The following TDRD9 variants were observed in gnomAD, a reference collection of about 807,000 sequenced individuals.
TDRD9 encodes ATP-dependent RNA helicase TDRD9.
In TDRD9, 124 loss-of-function variants were observed where a neutral mutation model predicts 172.6. The observed-to-expected ratio is 0.72, with a 90% CI of 0.62 to 0.83. The LOEUF (loss-of-function observed/expected upper bound fraction) is 0.83, where lower values mean the gene tolerates loss of function less well. TDRD9 is among the 40% of genes least tolerant of loss of function. The pLI, the probability that TDRD9 is intolerant of heterozygous loss-of-function variation, is 0.00. For missense variants in TDRD9, 1,479 were observed against 1,714.1 expected, an observed-to-expected ratio of 0.86 and a Z score of 2.42; for synonymous variants, 619 against 617.1, an observed-to-expected ratio of 1.00 and a Z score of -0.05.
At chr14:104,030,854 G>A (rs568520673) in intron 28 of TDRD9, among the ~76,000 whole-genome samples, 1 of 152,260 alleles carries the variant, frequency 6.6e-6, no homozygotes, top group African/African-American at 2.4e-5. Flanking sequence ...GGGAGGGATA[G>A]CATCAGGAGA....
rs2033981135 is a variant in TDRD9 at position 103,994,387 on chromosome 14, G to T, written c.1235+1G>T. 1.2e-6 allele frequency: 2 copies of T among 1,613,274 alleles called. No individual in the cohort carries two copies. Among genetic ancestry groups the T allele is most frequent in the Admixed American group, 1.7e-5 (1 of 59,994 alleles). ...TTCTCACAAGCCTGGTTCATAAAAG[G>T]TATGTTGAAAATGATACAGCTGTAT... On this transcript the variant is annotated splice_donor_variant, in intron 10 of 35. Transcript: ENST00000409874. LOFTEE classifies it high-confidence loss of function.
chr14:104,006,343 T>C (rs377254065), intron 15 of TDRD9, 46 bp from the exon 16 acceptor site: 30 of 1,529,190 alleles, frequency 2.0e-5, no homozygotes, highest in Non-Finnish European at 2.5e-5. Context: ...GGAAGAAGTA[T>C]GAGTAAGTCA....
chr14:104,038,283 C>T (rs531930254), intron 32 of TDRD9, among the ~76,000 whole-genome samples: 1 of 152,154 alleles, frequency 6.6e-6, no homozygotes, highest in South Asian at 2.1e-4. Context: ...TTATATGTAC[C>T]CACAAAAATT....
In TDRD9 at chr14:104,028,939, C is replaced by T. The variant is rs193135155; in HGVS notation, c.3282+2000C>T. Among the ~76,000 whole-genome samples the T allele has an allele frequency of 2.2e-3, 340 of 152,306 alleles. 2 individuals carry two copies. The highest frequency in any genetic ancestry group is 7.9e-3 in the African/African-American group (328 of 41,576). On this transcript the variant is annotated intron_variant, in intron 28 of 35. Coordinates refer to ENST00000409874, the MANE Select transcript of TDRD9 (RefSeq NM_153046.3). Reference sequence around the variant, plus strand: ...CAGCACCATCTATTGAAGAGACTCTCCTTTCCCCAATGAATGTTCTTGGAG... The same window carrying T: ...CAGCACCATCTATTGAAGAGACTCTTCTTTCCCCAATGAATGTTCTTGGAG...
chr14:103,965,429 T>G lies in TDRD9; in HGVS notation c.517T>G (p.Tyr173Asp). The G allele has an allele frequency of 6.4e-7, 1 of 1,551,652 alleles. No individual in the cohort carries two copies. Among genetic ancestry groups the G allele is most frequent in the Non-Finnish European group, 8.7e-7 (1 of 1,146,986 alleles). ...TQLPQYILDHYVQRSAYCSIV... is the reference protein window; with the variant it reads ...TQLPQYILDHDVQRSAYCSIV... Reference sequence around the variant, plus strand: ...GCTCCCGCAGTATATCTTGGACCACTACGTTCAGCGCTCCGCCTACTGCAG... The same window carrying G: ...GCTCCCGCAGTATATCTTGGACCACGACGTTCAGCGCTCCGCCTACTGCAG... The change falls in exon 4 of 36, where the codon TAC (tyrosine) becomes GAC (aspartate). Residue 173 changes from tyrosine to aspartate, a missense_variant. This residue lies in a region of TDRD9 where 1,413 missense variants were observed against 1,649.1 expected (regional missense o/e 0.86). Transcript: ENST00000409874.
intron 1 of TDRD9, among the ~76,000 whole-genome samples, chr14:103,936,162 G>T (rs557965554): frequency 7.2e-5 from 11 of 152,268 alleles, no homozygotes; most frequent in Admixed American, 6.5e-5. Flanking sequence ...TTTCACTGCA[G>T]CCTTGACGTG....
intron 1 of TDRD9, among the ~76,000 whole-genome samples, chr14:103,946,097 C>CT (rs1184115183): frequency 6.6e-6 from 1 of 152,016 alleles, no homozygotes; most frequent in East Asian, 1.9e-4. Context: ...TCTCAAGTAG[C>CT]TGGGACTATA....
At chr14:103,953,833 G>C (rs12890969) in intron 1 of TDRD9, among the ~76,000 whole-genome samples, 77,791 of 151,946 alleles carry the variant, frequency 0.51, 20,996 homozygotes, top group South Asian at 0.62. Flanking sequence ...GTTCTGCCCG[G>C]GTGGACTCTC....
chr14:104,049,422 T>A (rs2035878169), intron 34 of TDRD9, 186 bp from the exon 35 acceptor site: 9 of 454,170 alleles, frequency 2.0e-5, no homozygotes, highest in Non-Finnish European at 3.5e-5. Context: ...CATTTCTTTC[T>A]GCTTTTGAAT....
intron 32 of TDRD9, 126 bp from the exon 33 acceptor site, chr14:104,040,070 G>A (rs2152263367): frequency 2.5e-6 from 2 of 795,194 alleles, no homozygotes; most frequent in African/African-American, 1.8e-5. Context: ...AAATGCACAA[G>A]TGAAATTAAT....
chr14:103,951,793 G>A (rs544071840), intron 1 of TDRD9, among the ~76,000 whole-genome samples: 2 of 151,492 alleles, frequency 1.3e-5, no homozygotes, highest in Admixed American at 6.6e-5. Context: ...TTGAGACGGA[G>A]TCTTGCTGTG....
At chr14:104,026,181 A>G in intron 27 of TDRD9, 45 bp downstream of exon 27, 3 of 1,340,880 alleles carry the variant, frequency 2.2e-6, no homozygotes, top group Non-Finnish European at 3.2e-6. Flanking sequence ...CATGCTGGAC[A>G]GGATTCCTGG....
chr14:103,982,080 T>C (rs1418023861), intron 7 of TDRD9, among the ~76,000 whole-genome samples: 3 of 151,412 alleles, frequency 2.0e-5, no homozygotes, highest in Non-Finnish European at 2.9e-5. Context: ...CCTTTCTTCA[T>C]GGAGCACCAG....
intron 23 of TDRD9, among the ~76,000 whole-genome samples, chr14:104,020,510 C>T (rs2034921253): frequency 1.3e-5 from 2 of 152,090 alleles, no homozygotes; most frequent in Admixed American, 1.3e-4. Context: ...ATTACTTCTA[C>T]GGAGTCTTAG....
At chr14:103,990,315 G>C (rs1206721347) in intron 8 of TDRD9, among the ~76,000 whole-genome samples, 1 of 152,234 alleles carries the variant, frequency 6.6e-6, no homozygotes, top group Non-Finnish European at 1.5e-5. Context: ...AGTGACCATG[G>C]ATGCTGAGCT....
In TDRD9 at chr14:103,955,787, A is replaced by C; in HGVS notation, c.322+17A>C. The C allele has an allele frequency of 1.3e-6, 2 of 1,543,824 alleles. No individual in the cohort carries two copies. The highest frequency in any genetic ancestry group is 1.8e-6 in the Non-Finnish European group (2 of 1,141,270). On this transcript the variant is annotated intron_variant, in intron 2 of 35. Transcript: ENST00000409874. ...GTGGGCCAGGTAAACAGGTCTCTTT[A>C]AATATTTTAGATAGGATGCATGAGT...
rs74756040 is a variant in TDRD9 at position 104,025,467 on chromosome 14, G to A, written c.2719-97G>A. 5.9e-4 allele frequency: 526 copies of A among 888,030 alleles called. 1 individual carries two copies. In the African/African-American group the frequency reaches 7.8e-3, roughly 13 times the overall value. 55.0% of individuals were successfully genotyped at this position (888,030 alleles called of 1,614,324 possible). ...CGAGGATTAACGCTGGTGAGGTGTC[G>A]TACAGCACAGGGTGTCAGCCCTATG... On this transcript the variant is annotated intron_variant, in intron 25 of 35. Transcript: ENST00000409874.
intron 1 of TDRD9, among the ~76,000 whole-genome samples, chr14:103,933,017 G>A (rs2030505178): frequency 6.6e-6 from 1 of 152,176 alleles, no homozygotes; most frequent in Non-Finnish European, 1.5e-5. Flanking sequence ...CTGAAGGTGA[G>A]TAACACCTTA....
chr14:104,032,554 A>T (rs2035316883), intron 30 of TDRD9, among the ~76,000 whole-genome samples: 2 of 152,128 alleles, frequency 1.3e-5, no homozygotes, highest in South Asian at 4.1e-4. Flanking sequence ...TCCTGATTTG[A>T]GGTAGTCTCT....
Sources: allele counts gnomAD v4.1 joint callset (sites outside exome capture counted in the v4.1 genomes callset), GRCh38; gene constraint gnomAD v4.1.1; regional missense constraint gnomAD v4.1.1; transcripts MANE v1.5; gene names NCBI Gene and HGNC (gene_info 2026-07-23, HGNC 2026-07-21).